The following ABI3BP variants were observed in gnomAD, a reference collection of about 807,000 sequenced individuals.
The protein encoded by ABI3BP is target of Nesh-SH3.
Under a neutral mutation model 268.6 loss-of-function variants are expected in ABI3BP, and 216 were observed. The observed-to-expected ratio is 0.80, with a 90% CI of 0.72 to 0.90. The LOEUF (loss-of-function observed/expected upper bound fraction) is 0.90, where lower values mean the gene tolerates loss of function less well. Ranked by LOEUF, ABI3BP falls within the 40% of genes least tolerant of loss-of-function variation. ABI3BP has a pLI of 0.00. For missense variants in ABI3BP, 2,090 were observed against 2,182.4 expected, an observed-to-expected ratio of 0.96 and a Z score of 0.84; for synonymous variants, 730 against 730.0, an observed-to-expected ratio of 1.00 and a Z score of 0.00.
intron 1 of ABI3BP, among the ~76,000 whole-genome samples, chr3:100,957,723 T>G (rs572394418): frequency 3.9e-5 from 6 of 152,288 alleles, no homozygotes; most frequent in African/African-American, 1.4e-4. Context: ...AGCCCAGAGA[T>G]GTTAAGCTAC....
intron 18 of ABI3BP, 104 bp from the exon 19 acceptor site, chr3:100,847,777 TA>T: frequency 1.1e-6 from 1 of 922,672 alleles, no homozygotes; most frequent in Non-Finnish European, 1.8e-6. Context: ...CCATATTTAG[TA>T]GTCAAAGTAT....
chr3:100,768,695 G>T lies in ABI3BP; in HGVS notation c.4741+2048C>A, dbSNP rs142746258. On this transcript the variant is annotated intron_variant, in intron 62 of 67. Transcript: ENST00000471714. ...CTCCTCAGGATAAATTGATAACAAT[G>T]AGGATTATTATTATTATTACACCTA... is the stretch of plus-strand genomic sequence containing the variant. 1.2e-3 allele frequency among the ~76,000 whole-genome samples: 185 copies of T among 152,296 alleles called. 1 individual carries two copies. In the East Asian group the frequency reaches 0.03, roughly 25 times the overall value.
intron 19 of ABI3BP, among the ~76,000 whole-genome samples, chr3:100,847,289 A>G (rs553936835): frequency 4.0e-4 from 61 of 152,346 alleles, no homozygotes; most frequent in African/African-American, 1.4e-3. Context: ...TTACTAAAAA[A>G]TAAAAAAAAG....
intron 47 of ABI3BP, 31 bp downstream of exon 47, chr3:100,811,697 A>G (rs1186315297): frequency 1.3e-6 from 2 of 1,522,644 alleles, no homozygotes; most frequent in Non-Finnish European, 1.8e-6. Flanking sequence ...TGTGTGGAAT[A>G]AATGAATCAA....
chr3:100,975,690 T>C (rs2085819197), intron 1 of ABI3BP, among the ~76,000 whole-genome samples: 1 of 152,166 alleles, frequency 6.6e-6, no homozygotes, highest in Admixed American at 6.6e-5. Context: ...AATCCTTCCC[T>C]GGCAACTATG....
chr3:100,854,923 A>T (rs1314101973), intron 14 of ABI3BP, among the ~76,000 whole-genome samples: 1 of 140,256 alleles, frequency 7.1e-6, no homozygotes, highest in African/African-American at 2.7e-5. Context: ...CTACTTTGTT[A>T]AATCATGTTT....
intron 61 of ABI3BP, 93 bp downstream of exon 61, chr3:100,774,511 TA>T: frequency 2.1e-6 from 2 of 961,932 alleles, no homozygotes; most frequent in Non-Finnish European, 1.5e-6. Context: ...AATAGGCTAC[TA>T]AGATTTGTGG....
intron 20 of ABI3BP, chr3:100,844,183 T>G (rs2098741372): frequency 2.0e-6 from 2 of 985,280 alleles, no homozygotes; most frequent in South Asian, 9.4e-5. Context: ...AAAGACAAAT[T>G]TGACTCACAT....
At chr3:100,903,209 AT>A (rs1393924483) in intron 2 of ABI3BP, among the ~76,000 whole-genome samples, 1 of 152,148 alleles carries the variant, frequency 6.6e-6, no homozygotes, top group African/African-American at 2.4e-5. Context: ...ATAGCTAGTC[AT>A]TTTTAATGAA....
rs765339413 is a variant in ABI3BP, at chr3:100,775,284, C to G, written c.4385G>C (p.Arg1462Thr). The change falls in exon 60 of 68, where the codon AGG (arginine) becomes ACG (threonine). Residue 1462 changes from arginine to threonine, a missense_variant. Transcript: ENST00000471714. ...TCTCTCCAAGGGAGTTCCAGTAGGC[C>G]TGGGTGTTGACCTCAGGGGTGGTGT... ...ITTPPLRSTP[R>T]PTGTPLERIE... 1.9e-6 allele frequency: 3 copies of G among 1,609,660 alleles called. No individual in the cohort carries two copies. The East Asian group carries it at 6.7e-5, about 36-fold the overall frequency.
chr3:100,969,754 A>G (rs1178159433), intron 1 of ABI3BP, among the ~76,000 whole-genome samples: 1 of 152,230 alleles, frequency 6.6e-6, no homozygotes, highest in East Asian at 1.9e-4. Context: ...GGAAGAGTCC[A>G]CATCTAAGAG....
intron 54 of ABI3BP, 79 bp downstream of exon 54, chr3:100,794,844 A>G: frequency 9.7e-7 from 1 of 1,029,724 alleles, no homozygotes; most frequent in Non-Finnish European, 1.5e-6. Context: ...AAATCTGTGA[A>G]CATAATGTAT....
At chr3:100,862,568 G>A (rs529880692) in intron 13 of ABI3BP, 183 bp from the exon 14 acceptor site, 2 of 588,710 alleles carry the variant, frequency 3.4e-6, no homozygotes, top group African/African-American at 3.7e-5. Context: ...CATTTGATTA[G>A]TGGTCAGAGA....
intron 1 of ABI3BP, among the ~76,000 whole-genome samples, chr3:100,989,287 A>C (rs1175194959): frequency 1.3e-5 from 2 of 152,226 alleles, no homozygotes; most frequent in Non-Finnish European, 2.9e-5. Context: ...TTGTCACAGA[A>C]GCACGAAACA....
Position 100,864,096 on chromosome 3 carries a change from A to G in ABI3BP, c.1064-20T>C. On this transcript the variant is annotated intron_variant, in intron 11 of 67. Transcript: ENST00000471714. ...TGAGAACTACAATAAAAAAGAGTGC[A>G]GTTAGCAACTCCTGGACTTGGGTTT... 6.7e-7 allele frequency: 1 copy of G among 1,502,230 alleles called. No homozygotes were observed. Among genetic ancestry groups the G allele is most frequent in the Non-Finnish European group, 9.0e-7 (1 of 1,115,842 alleles). 93.1% of individuals were successfully genotyped at this position (1,502,230 alleles called of 1,614,324 possible).
intron 50 of ABI3BP, among the ~76,000 whole-genome samples, chr3:100,806,780 T>A (rs2097721005): frequency 6.6e-6 from 1 of 152,068 alleles, no homozygotes; most frequent in Non-Finnish European, 1.5e-5. Context: ...TCACTGAGGA[T>A]GTGAATCTAT....
intron 1 of ABI3BP, among the ~76,000 whole-genome samples, chr3:100,940,358 T>C (rs1404254287): frequency 1.3e-5 from 2 of 152,012 alleles, no homozygotes; most frequent in Non-Finnish European, 2.9e-5. Flanking sequence ...AACAAATAAA[T>C]GTCCATGAAA....
chr3:100,946,168 C>T lies in ABI3BP; in HGVS notation c.80-19687G>A, dbSNP rs143174800. Among the ~76,000 whole-genome samples the T allele has an allele frequency of 4.5e-3, 674 of 151,164 alleles. 3 individuals carry two copies. Among genetic ancestry groups the T allele is most frequent in the African/African-American group, 0.016 (645 of 41,200 alleles). ...GGCAGATCACCTGAGGTCAGGCATT[C>T]GAGACCAGCCTGGGCAACATGGTGA... On this transcript the variant is annotated intron_variant, in intron 1 of 67. Coordinates refer to ENST00000471714, the MANE Select transcript of ABI3BP (RefSeq NM_001375547.2).
rs150600052 is a variant in ABI3BP at position 100,941,892 on chromosome 3, C to T, written c.80-15411G>A. Among the ~76,000 whole-genome samples, 915 of 152,156 alleles carry T rather than the reference C, an allele frequency of 6.0e-3. 8 individuals are homozygous for T. Among genetic ancestry groups the T allele is most frequent in the African/African-American group, 0.019 (802 of 41,526 alleles). ...CACACATTCCCTCAATCTGATTATG[C>T]TAAAATTACTCTTTAAAGTTTGAAG... On this transcript the variant is annotated intron_variant, in intron 1 of 67. Transcript: ENST00000471714.
Sources: gnomAD v4.1 joint callset for allele counts (sites outside exome capture counted in the v4.1 genomes callset) on GRCh38, gnomAD v4.1.1 for gene constraint, MANE v1.5 for transcripts, NCBI Gene and HGNC (gene_info 2026-07-23, HGNC 2026-07-21) for gene names.